The following GLMN variants were observed in gnomAD, a reference collection of about 807,000 sequenced individuals.
GLMN encodes glomulin, FKBP associated protein.
A neutral mutation model predicts 87.8 loss-of-function variants in GLMN; 75 were observed. The ratio of observed to expected loss-of-function variants is 0.85; its 90% CI spans 0.71 to 1.04. GLMN has a LOEUF of 1.04. Ranked by LOEUF, GLMN falls within the 50% of genes least tolerant of loss-of-function variation. GLMN has a pLI of 0.00. For synonymous variants in GLMN, 206 were observed against 221.6 expected (o/e 0.93, Z 0.63); for missense variants, 588 against 658.8 (o/e 0.89, Z 1.18).
At chr1:92,343,459 T>C in the GLMN span, among the ~76,000 whole-genome samples, 284 of 152,318 alleles carry the variant, frequency 1.9e-3, 1 homozygote, top group African/African-American at 6.1e-3. Flanking sequence ...CTAACCATTA[T>C]ATACTGTACT....
At chr1:92,327,683 T>C in the GLMN span, among the ~76,000 whole-genome samples, 2 of 152,140 alleles carry the variant, frequency 1.3e-5, no homozygotes, top group Non-Finnish European at 2.9e-5. Flanking sequence ...GAGGTACTAT[T>C]CTATTCATCG....
chr1:92,266,714 G>A lies in GLMN; in HGVS notation c.1126C>T (p.Pro376Ser). The A allele has an allele frequency of 6.2e-7, 1 of 1,600,806 alleles. No homozygotes were observed. Among genetic ancestry groups the A allele is most frequent in the Non-Finnish European group, 8.6e-7 (1 of 1,169,276 alleles). The change falls in exon 12 of 19, where the codon CCC (proline) becomes TCC (serine). Residue 376 changes from proline (P) to serine (S), a missense_variant. Transcript: ENST00000370360. ...TATTTACATACCAGTGTCTCAATGG[G>A]GCAAAGTGTCATTACTTTCACTAAG... ...QGLVKVMTLC[P>S]IETLRKKSLA...
the GLMN span, among the ~76,000 whole-genome samples, chr1:92,361,101 A>G: frequency 1.2e-5 from 1 of 84,898 alleles, no homozygotes; most frequent in Non-Finnish European, 2.3e-5. Flanking sequence ...TAATATATAT[A>G]TACACACACA....
chr1:92,283,622 C>T (rs949582395), intron 7 of GLMN, among the ~76,000 whole-genome samples: 1 of 152,092 alleles, frequency 6.6e-6, no homozygotes, highest in South Asian at 2.1e-4. Context: ...CTGGCTAGGG[C>T]AATCAGGCAA....
chr1:92,287,872 T>C (rs954560687), intron 6 of GLMN, among the ~76,000 whole-genome samples: 38 of 152,024 alleles, frequency 2.5e-4, no homozygotes, highest in African/African-American at 8.2e-4. Flanking sequence ...CACTGTCCAA[T>C]AGAAATATAA....
At chr1:92,265,561 A>T (rs1412392160) in intron 13 of GLMN, among the ~76,000 whole-genome samples, 1 of 152,108 alleles carries the variant, frequency 6.6e-6, no homozygotes, top group Non-Finnish European at 1.5e-5. Flanking sequence ...GAATCGCTTG[A>T]GCCCAGGAGT....
chr1:92,288,623 C>T (rs1358672698), intron 6 of GLMN, among the ~76,000 whole-genome samples: 1 of 151,988 alleles, frequency 6.6e-6, no homozygotes, highest in East Asian at 1.9e-4. Flanking sequence ...AGATGGGGGT[C>T]TCACTATGTT....
the GLMN span, among the ~76,000 whole-genome samples, chr1:92,322,681 C>T: frequency 1.3e-5 from 2 of 151,838 alleles, no homozygotes; most frequent in East Asian, 3.9e-4. Flanking sequence ...TTGTGACCAG[C>T]CTGGCCAACA....
chr1:92,317,493 G>A, the GLMN span, among the ~76,000 whole-genome samples: 2 of 152,012 alleles, frequency 1.3e-5, no homozygotes. Flanking sequence ...AGGCAACAGT[G>A]AGACTCTGTC....
chr1:92,315,490 T>G, the GLMN span, among the ~76,000 whole-genome samples: 1 of 152,194 alleles, frequency 6.6e-6, no homozygotes, highest in Non-Finnish European at 1.5e-5. Flanking sequence ...ACCACAAACA[T>G]TCAATTTGTA....
At chr1:92,264,676 G>T in intron 13 of GLMN, 38 bp from the exon 14 acceptor site, 1 of 1,050,950 alleles carries the variant, frequency 9.5e-7, no homozygotes. Flanking sequence ...AAATTATCCT[G>T]GACAGCATTA....
At chr1:92,326,579 T>C in the GLMN span, among the ~76,000 whole-genome samples, 1 of 152,076 alleles carries the variant, frequency 6.6e-6, no homozygotes, top group East Asian at 1.9e-4. Context: ...AGGACCGTCA[T>C]GGGGGCAGGG....
rs1650303563 is a variant in GLMN, at chr1:92,297,810, AT to A, written c.39+150del. The A allele has an allele frequency of 4.7e-6, 3 of 635,130 alleles. No individual in the cohort carries two copies. In the East Asian group the frequency reaches 8.2e-5, roughly 17 times the overall value. The allele number at this position is 635,130 out of a possible 1,614,324, so 39.3% of individuals were successfully genotyped here. A position where few individuals can be genotyped will look rare whatever the true frequency, so the allele number is the denominator to read the frequency against. On this transcript the variant is annotated intron_variant, in intron 2 of 18. Coordinates refer to ENST00000370360, the MANE Select transcript of GLMN (RefSeq NM_053274.3). ...GTATGTCACCTGGAGAAATAATCCA[AT>A]CTGCCTCCCCCACTCATGCTCTTTA... is the stretch of plus-strand genomic sequence containing the variant.
chr1:92,265,017 AT>A (rs1315112226), intron 13 of GLMN, among the ~76,000 whole-genome samples: 2 of 151,856 alleles, frequency 1.3e-5, no homozygotes, highest in African/African-American at 2.4e-5. Flanking sequence ...AATTTTTTGT[AT>A]TTGTAGTAGA....
chr1:92,254,481 T>C (rs1022916568), intron 16 of GLMN, among the ~76,000 whole-genome samples: 5 of 151,774 alleles, frequency 3.3e-5, no homozygotes, highest in African/African-American at 9.7e-5. Context: ...TTCACCAAGG[T>C]TGAAATGAAG....
chr1:92,345,410 GAGAAGA>G, the GLMN span, among the ~76,000 whole-genome samples: 3 of 125,680 alleles, frequency 2.4e-5, no homozygotes, highest in African/African-American at 8.6e-5. Flanking sequence ...AAGAGAGAGA[GAGAAGA>G]AAGAAAGAGA....
intron 16 of GLMN, among the ~76,000 whole-genome samples, chr1:92,252,926 C>G (rs1653720100): frequency 6.6e-6 from 1 of 152,034 alleles, no homozygotes; most frequent in Admixed American, 6.6e-5. Context: ...ATATCTCTCT[C>G]ACAAAAGGAA....
intron 3 of GLMN, among the ~76,000 whole-genome samples, chr1:92,294,064 T>C (rs1649747228): frequency 1.3e-5 from 2 of 151,838 alleles, no homozygotes; most frequent in Non-Finnish European, 2.9e-5. Flanking sequence ...AGGGTGACTA[T>C]AGTCAATAAC....
At chr1:92,335,006 A>T in the GLMN span, among the ~76,000 whole-genome samples, 161 of 152,036 alleles carry the variant, frequency 1.1e-3, no homozygotes, top group African/African-American at 3.8e-3. Context: ...AAATAAAAAT[A>T]AAAATTAATC....
Sources: gnomAD v4.1 joint callset for allele counts (sites outside exome capture counted in the v4.1 genomes callset) on GRCh38, gnomAD v4.1.1 for gene constraint, MANE v1.5 for transcripts, NCBI Gene and HGNC (gene_info 2026-07-23, HGNC 2026-07-21) for gene names.